The following COMMD10 variants were observed in gnomAD, a reference collection of about 807,000 sequenced individuals.
COMMD10 encodes COMM domain containing 10, also known as COMM domain-containing protein 10.
A neutral mutation model predicts 28.9 loss-of-function variants in COMMD10; 33 were observed. The observed-to-expected ratio is 1.14, with a 90% confidence interval of 0.87 to 1.53. The LOEUF is 1.53. Among genes scored for constraint, COMMD10 ranks in the 40% most tolerant of loss-of-function variants. The pLI is 0.00. For synonymous variants in COMMD10, 110 were observed against 81.7 expected, an observed-to-expected ratio of 1.35 and a Z score of -1.87; for missense variants, 310 against 233.4, an observed-to-expected ratio of 1.33 and a Z score of -2.14.
At chr5:116,177,530 C>T (rs912749787) in intron 5 of COMMD10, among the ~76,000 whole-genome samples, 6 of 150,114 alleles carry the variant, frequency 4.0e-5, no homozygotes, top group Admixed American at 2.7e-4. Context: ...AAGTGACCCC[C>T]CCCACCCCAC....
At chr5:116,155,405 TAAG>T (rs1247106743) in intron 5 of COMMD10, among the ~76,000 whole-genome samples, 5 of 152,096 alleles carry the variant, frequency 3.3e-5, no homozygotes, top group African/African-American at 1.2e-4. Flanking sequence ...CTATTTTCAT[TAAG>T]AAAGTCTCCT....
chr5:116,132,312 A>C (rs1274074358), intron 4 of COMMD10, among the ~76,000 whole-genome samples: 1 of 152,154 alleles, frequency 6.6e-6, no homozygotes, highest in East Asian at 1.9e-4. Flanking sequence ...GGTAGTTCAG[A>C]TGGATTTATT....
At chr5:116,105,954 T>C (rs1208060200) in intron 4 of COMMD10, among the ~76,000 whole-genome samples, 1 of 152,158 alleles carries the variant, frequency 6.6e-6, no homozygotes, top group African/African-American at 2.4e-5. Context: ...CATGTCTCTA[T>C]CTCCTTCAGT....
At chr5:116,233,770 A>C (rs1749588635) in intron 5 of COMMD10, among the ~76,000 whole-genome samples, 2 of 152,158 alleles carry the variant, frequency 1.3e-5, no homozygotes, top group Non-Finnish European at 2.9e-5. Flanking sequence ...GTTTTAATGA[A>C]GCACAGTAAG....
At chr5:116,254,061 C>T (rs1221519729) in intron 5 of COMMD10, among the ~76,000 whole-genome samples, 1 of 152,144 alleles carries the variant, frequency 6.6e-6, no homozygotes, top group Non-Finnish European at 1.5e-5. Flanking sequence ...TCCATTTCTT[C>T]TAGATTTTCT....
At chr5:116,279,026 A>G (rs1415591604) in intron 5 of COMMD10, among the ~76,000 whole-genome samples, 1 of 151,818 alleles carries the variant, frequency 6.6e-6, no homozygotes, top group Non-Finnish European at 1.5e-5. Context: ...CAACTGAACT[A>G]TACTAAAAGA....
chr5:116,197,183 T>C (rs958819205), intron 5 of COMMD10, among the ~76,000 whole-genome samples: 1 of 152,166 alleles, frequency 6.6e-6, no homozygotes, highest in Non-Finnish European at 1.5e-5. Flanking sequence ...ATCTTGAGTT[T>C]TGGAAGAGAC....
At chr5:116,121,500 A>T (rs1395303049) in intron 4 of COMMD10, among the ~76,000 whole-genome samples, 1 of 152,190 alleles carries the variant, frequency 6.6e-6, no homozygotes, top group Admixed American at 6.5e-5. Context: ...TATACCCAGT[A>T]ATGGGATGGC....
At chr5:116,275,867 C>T (rs751661209) in intron 5 of COMMD10, among the ~76,000 whole-genome samples, 1 of 151,448 alleles carries the variant, frequency 6.6e-6, no homozygotes, top group Non-Finnish European at 1.5e-5. Flanking sequence ...CAAGTAATCA[C>T]TGTGCTTATA....
intron 5 of COMMD10, among the ~76,000 whole-genome samples, chr5:116,176,143 T>C (rs1162336532): frequency 9.2e-5 from 14 of 152,126 alleles, no homozygotes; most frequent in Non-Finnish European, 1.9e-4. Context: ...AGATAGATTG[T>C]CTTTGTCTCC....
Position 116,202,058 on chromosome 5 carries a change from C to T in COMMD10, c.510+67880C>T, listed in dbSNP as rs1420427483. 9.5e-5 allele frequency among the ~76,000 whole-genome samples: 13 copies of T among 136,946 alleles called. No individual in the cohort carries two copies. The East Asian group carries it at 2.7e-3, about 28-fold the overall frequency. 89.8% of individuals were successfully genotyped at this position (136,946 alleles called of 152,430 possible). A position where few individuals can be genotyped will look rare whatever the true frequency, so the allele number is the denominator to read the frequency against. On this transcript the variant is annotated intron_variant, in intron 5 of 6. Transcript: ENST00000274458. ...CCCCTCCCCCCACCCCACAACAGTC[C>T]CCAGAGTGTGATGTTCCCCTTCCTG... is the stretch of plus-strand genomic sequence containing the variant.
intron 5 of COMMD10, among the ~76,000 whole-genome samples, chr5:116,169,360 C>A (rs1561645058): frequency 6.6e-6 from 1 of 152,058 alleles, no homozygotes; most frequent in Non-Finnish European, 1.5e-5. Context: ...AATTAATGGG[C>A]TACCAACCAA....
intron 5 of COMMD10, among the ~76,000 whole-genome samples, chr5:116,216,094 T>A (rs1749095183): frequency 1.3e-5 from 2 of 152,276 alleles, no homozygotes; most frequent in South Asian, 4.1e-4. Flanking sequence ...TTGATAATTT[T>A]CTCCAATTAG....
chr5:116,185,462 G>C (rs999026147), intron 5 of COMMD10, among the ~76,000 whole-genome samples: 2 of 152,020 alleles, frequency 1.3e-5, no homozygotes, highest in South Asian at 4.1e-4. Flanking sequence ...ACAAAAGCAG[G>C]GTCAAGCAGT....
chr5:116,172,574 C>T (rs957801991), intron 5 of COMMD10, among the ~76,000 whole-genome samples: 1 of 152,042 alleles, frequency 6.6e-6, no homozygotes, highest in African/African-American at 2.4e-5. Context: ...TTCTTCAGTC[C>T]TACAGAGTTT....
At chr5:116,274,781 T>G (rs997781035) in intron 5 of COMMD10, among the ~76,000 whole-genome samples, 4 of 151,786 alleles carry the variant, frequency 2.6e-5, no homozygotes, top group Non-Finnish European at 2.9e-5. Context: ...CAAGGCAGTC[T>G]CTTAATTATT....
At chr5:116,287,453 G>A (rs928641086) in intron 5 of COMMD10, among the ~76,000 whole-genome samples, 3 of 151,552 alleles carry the variant, frequency 2.0e-5, no homozygotes, top group African/African-American at 7.3e-5. Flanking sequence ...TTCACTTTCA[G>A]CCTATGTGTA....
intron 5 of COMMD10, among the ~76,000 whole-genome samples, chr5:116,275,628 A>G (rs897844943): frequency 6.6e-6 from 1 of 151,840 alleles, no homozygotes; most frequent in African/African-American, 2.4e-5. Context: ...AACAAGTGAA[A>G]TTAGTCTCAA....
rs148350503 is a variant in COMMD10 at position 116,269,639 on chromosome 5, C to T, written c.511-21878C>T. The stretch of plus-strand genomic sequence containing the variant: ...TTTCCCTTATCTTTTTGAAAAATAC[C>T]ATACTGATTCATCTCAAATATTTTA... On this transcript the variant is annotated intron_variant, in intron 5 of 6. Transcript: ENST00000274458. Among the ~76,000 whole-genome samples the T allele has an allele frequency of 1.1e-3, 163 of 151,494 alleles. 2 individuals are homozygous for T. The highest frequency in any genetic ancestry group is 3.7e-3 in the African/African-American group (154 of 41,104).
Sources: gnomAD v4.1 joint callset for allele counts (sites outside exome capture counted in the v4.1 genomes callset) on GRCh38, gnomAD v4.1.1 for gene constraint, MANE v1.5 for transcripts, NCBI Gene and HGNC (gene_info 2026-07-23, HGNC 2026-07-21) for gene names.